The following FSAF1 variants were observed in gnomAD, a reference collection of about 807,000 sequenced individuals.
The protein encoded by FSAF1 is uncharacterized protein C1orf131.
chr1:231,229,486 T>G, the FSAF1 span, among the ~76,000 whole-genome samples: 1 of 152,256 alleles, frequency 6.6e-6, no homozygotes, highest in East Asian at 1.9e-4. Flanking sequence ...AATGATCATA[T>G]GATCTGACAA....
At chr1:231,236,106 T>G in the FSAF1 span, among the ~76,000 whole-genome samples, 1 of 152,144 alleles carries the variant, frequency 6.6e-6, no homozygotes, top group Non-Finnish European at 1.5e-5. Context: ...GGCTTAGAAG[T>G]TTTTAGAGAA....
At chr1:231,241,057 G>C in the FSAF1 span, 1 of 1,614,082 alleles carries the variant, frequency 6.2e-7, no homozygotes, top group African/African-American at 1.3e-5. Flanking sequence ...AGAGCGTCAA[G>C]AAGTGTCGGA....
chr1:231,224,710 C>G, the FSAF1 span: 2 of 338,184 alleles, frequency 5.9e-6, no homozygotes, highest in East Asian at 1.0e-4. Flanking sequence ...AATTTCCCAG[C>G]TCACCTTCTC....
At chr1:231,225,261 T>A in the FSAF1 span, 1 of 581,178 alleles carries the variant, frequency 1.7e-6, no homozygotes, top group East Asian at 2.8e-5. Flanking sequence ...CGGTGAAAAG[T>A]GGAAGATTGG....
the FSAF1 span, chr1:231,225,123 T>C: frequency 3.3e-5 from 9 of 276,412 alleles, no homozygotes; most frequent in Non-Finnish European, 6.8e-6. Flanking sequence ...ATAATTACGG[T>C]GCTCTATCTT....
At chr1:231,224,295 G>A in the FSAF1 span, 12 of 1,610,842 alleles carry the variant, frequency 7.4e-6, no homozygotes, top group Non-Finnish European at 1.0e-5. Context: ...GGCCACTCTG[G>A]AAGAATTTAT....
the FSAF1 span, chr1:231,236,995 T>C: frequency 1.3e-5 from 2 of 151,214 alleles, no homozygotes; most frequent in Non-Finnish European, 2.9e-5. Flanking sequence ...TCACTAATAA[T>C]CTTTTTTTTT....
the FSAF1 span, among the ~76,000 whole-genome samples, chr1:231,230,183 A>G: frequency 6.6e-6 from 1 of 152,166 alleles, no homozygotes; most frequent in Non-Finnish European, 1.5e-5. Flanking sequence ...AGTAATGATG[A>G]GAAACTGAGA....
chr1:231,241,117 G>T, the FSAF1 span: 1 of 1,613,196 alleles, frequency 6.2e-7, no homozygotes, highest in Non-Finnish European at 8.5e-7. Context: ...GACATTGTGG[G>T]GTCAGCCGAG....
At chr1:231,234,953 C>CACT in the FSAF1 span, among the ~76,000 whole-genome samples, 1 of 152,176 alleles carries the variant, frequency 6.6e-6, no homozygotes, top group Non-Finnish European at 1.5e-5. The surrounding 1 kb of genome is among the most constrained non-coding windows in gnomAD (Gnocchi z 4.0). Context: ...CCTCCCTGAC[C>CACT]ACTACATCTA....
chr1:231,227,075 A>AC, the FSAF1 span: 1 of 1,614,004 alleles, frequency 6.2e-7, no homozygotes, highest in East Asian at 2.2e-5. Flanking sequence ...GAGCCTGCGG[A>AC]CACAAAGCAT....
At chr1:231,239,340 G>A in the FSAF1 span, 1 of 674,074 alleles carries the variant, frequency 1.5e-6, no homozygotes, top group Non-Finnish European at 2.3e-6. Flanking sequence ...TTTCAAATAA[G>A]TGTATTTGCA....
At chr1:231,235,373 T>C in the FSAF1 span, among the ~76,000 whole-genome samples, 3 of 152,050 alleles carry the variant, frequency 2.0e-5, no homozygotes, top group African/African-American at 4.8e-5. Flanking sequence ...TGTGTGCACC[T>C]GTAGTCCCAG....
chr1:231,225,757 G>A, the FSAF1 span: 2 of 529,812 alleles, frequency 3.8e-6, no homozygotes, highest in Non-Finnish European at 6.8e-6. Context: ...AGGAAGCCAA[G>A]GGGGGAGGAT....
the FSAF1 span, chr1:231,238,988 T>TG: frequency 1.2e-6 from 2 of 1,614,162 alleles, no homozygotes; most frequent in Non-Finnish European, 1.7e-6. Context: ...TCTGGTCCTG[T>TG]GGGGGTCCCA....
the FSAF1 span, chr1:231,226,662 G>T: frequency 7.5e-7 from 1 of 1,324,690 alleles, no homozygotes; most frequent in Non-Finnish European, 1.1e-6. Flanking sequence ...CCAAGCAGCG[G>T]CTTCCGGCAT....
At chr1:231,224,280 C>T in the FSAF1 span, 1 of 1,608,014 alleles carries the variant, frequency 6.2e-7, no homozygotes, top group Non-Finnish European at 8.5e-7. Context: ...CAAAGTACTT[C>T]ATTTGGCCAC....
At chr1:231,225,518 T>C in the FSAF1 span, 1 of 1,613,066 alleles carries the variant, frequency 6.2e-7, no homozygotes, top group South Asian at 1.1e-5. Flanking sequence ...TATCTGTTTC[T>C]TGGGCCTGAT....
the FSAF1 span, among the ~76,000 whole-genome samples, chr1:231,233,758 G>A: frequency 6.6e-6 from 1 of 152,134 alleles, no homozygotes; most frequent in African/African-American, 2.4e-5. Context: ...TCACCATATT[G>A]GCCAGGCTGG....
Sources: allele counts gnomAD v4.1 joint callset (sites outside exome capture counted in the v4.1 genomes callset), GRCh38; gene constraint gnomAD v4.1.1; non-coding constraint Gnocchi (gnomAD v3.1); transcripts MANE v1.5; gene names NCBI Gene and HGNC (gene_info 2026-07-23, HGNC 2026-07-21).